Variants in FGGY observed in about 807,000 individuals in gnomAD.
The protein encoded by FGGY is FGGY carbohydrate kinase domain-containing protein.
In FGGY, 72 loss-of-function variants were observed where a neutral mutation model predicts 71.3. The observed-to-expected ratio is 1.01, with a 90% CI of 0.84 to 1.23. The LOEUF (loss-of-function observed/expected upper bound fraction) is 1.23. Among genes scored for constraint, FGGY ranks in the 50% most tolerant of loss-of-function variants. The pLI is 0.00. For synonymous variants in FGGY, 251 were observed against 250.3 expected (o/e 1.00, Z -0.02); for missense variants, 668 against 682.3 (o/e 0.98, Z 0.23).
chr1:59,395,059 A>T (rs2061164990), intron 5 of FGGY, among the ~76,000 whole-genome samples: 1 of 151,306 alleles, frequency 6.6e-6, no homozygotes, highest in Non-Finnish European at 1.5e-5. Flanking sequence ...AGTTACACAG[A>T]CTCTTTTGGG....
rs571410997 is a variant in FGGY at position 59,557,457 on chromosome 1, G to C, written c.903+3230G>C. Among the ~76,000 whole-genome samples the C allele has an allele frequency of 7.2e-5, 11 of 152,296 alleles. 1 individual carries two copies. In the South Asian group the frequency reaches 2.3e-3, roughly 32 times the overall value. On this transcript the variant is annotated intron_variant, in intron 8 of 15. Transcript: ENST00000303721. ...ATAAGTGAGTATTGGTAAATACTTA[G>C]AAGCTTCGTACCTCCAGGTTCCTGT... is the stretch of plus-strand genomic sequence containing the variant.
chr1:59,420,166 T>G (rs958390196), intron 5 of FGGY, among the ~76,000 whole-genome samples: 1 of 151,790 alleles, frequency 6.6e-6, no homozygotes, highest in African/African-American at 2.4e-5. Context: ...TATCCCTGAG[T>G]GGAAATAAAT....
At chr1:59,495,431 C>A (rs1054395313) in intron 6 of FGGY, among the ~76,000 whole-genome samples, 36 of 151,888 alleles carry the variant, frequency 2.4e-4, no homozygotes, top group African/African-American at 8.2e-4. Context: ...AATGGTATTT[C>A]CTAGGTTTTC....
intron 14 of FGGY, among the ~76,000 whole-genome samples, chr1:59,689,303 A>G (rs1201172885): frequency 6.6e-6 from 1 of 152,144 alleles, no homozygotes; most frequent in Non-Finnish European, 1.5e-5. Flanking sequence ...TTTTTAGATA[A>G]AGGTGCTGGT....
At chr1:59,596,807 G>A (rs957051929) in intron 8 of FGGY, among the ~76,000 whole-genome samples, 1 of 152,162 alleles carries the variant, frequency 6.6e-6, no homozygotes, top group Non-Finnish European at 1.5e-5. Context: ...ATGTACCGCC[G>A]TGTGCTGCCC....
rs944618920 is a variant in FGGY at position 59,317,101 on chromosome 1, C to T, written c.-14-4435C>T. 5.9e-5 allele frequency among the ~76,000 whole-genome samples: 9 copies of T among 152,198 alleles called. No homozygotes were observed. The East Asian group carries it at 1.2e-3, about 20-fold the overall frequency. On this transcript the variant is annotated intron_variant, in intron 1 of 15. Coordinates refer to ENST00000303721, the MANE Select transcript of FGGY (RefSeq NM_018291.5). ...CTTTCCTTAGCTGGGAAATGGGGCT[C>T]ATACTGCCTACCTCACAGGGTTGCT...
intron 5 of FGGY, among the ~76,000 whole-genome samples, chr1:59,445,722 A>G (rs1034033196): frequency 1.3e-5 from 2 of 152,122 alleles, no homozygotes; most frequent in African/African-American, 4.8e-5. Context: ...TTTTATTTTC[A>G]TATTTTTCCT....
chr1:59,720,609 C>T (rs762628203), intron 14 of FGGY, among the ~76,000 whole-genome samples: 16 of 152,170 alleles, frequency 1.1e-4, no homozygotes, highest in Non-Finnish European at 2.1e-4. Context: ...AATTTTGTTT[C>T]GGAAAGGAGA....
intron 5 of FGGY, among the ~76,000 whole-genome samples, chr1:59,391,020 C>A (rs2060624168): frequency 6.6e-6 from 1 of 152,158 alleles, no homozygotes; most frequent in Admixed American, 6.5e-5. Flanking sequence ...GCCAAATAAT[C>A]CTTAGTTCAA....
chr1:59,660,606 T>G (rs528448275), intron 12 of FGGY, among the ~76,000 whole-genome samples: 1 of 152,332 alleles, frequency 6.6e-6, no homozygotes, highest in African/African-American at 2.4e-5. Context: ...ATGCTTGCAT[T>G]AAGAAAAGTT....
intron 5 of FGGY, among the ~76,000 whole-genome samples, chr1:59,395,763 A>G (rs1057132980): frequency 2.6e-5 from 4 of 152,162 alleles, no homozygotes; most frequent in African/African-American, 9.7e-5. Context: ...ACAGACTCAA[A>G]AGAGGCTAAG....
intron 9 of FGGY, among the ~76,000 whole-genome samples, chr1:59,618,026 A>G (rs1327670017): frequency 6.6e-6 from 1 of 152,084 alleles, no homozygotes; most frequent in Admixed American, 6.6e-5. Context: ...CAGATTATGG[A>G]GATAATGATT....
At chr1:59,472,444 G>T (rs1367627836) in intron 6 of FGGY, among the ~76,000 whole-genome samples, 2 of 152,180 alleles carry the variant, frequency 1.3e-5, no homozygotes, top group Admixed American at 6.5e-5. Flanking sequence ...TAGTCCCATC[G>T]ACCACCCAAG....
At chr1:59,673,201 G>A (rs1219051941) in intron 13 of FGGY, among the ~76,000 whole-genome samples, 1 of 152,200 alleles carries the variant, frequency 6.6e-6, no homozygotes, top group Non-Finnish European at 1.5e-5. Flanking sequence ...TTGGAAGGTG[G>A]GATGAAGCAG....
chr1:59,685,593 G>A (rs1321396731), intron 14 of FGGY, among the ~76,000 whole-genome samples: 1 of 152,118 alleles, frequency 6.6e-6, no homozygotes, highest in African/African-American at 2.4e-5. Context: ...GTATCAGGTA[G>A]GAGAAAAGTA....
At chr1:59,561,822 C>T (rs1337896160) in intron 8 of FGGY, among the ~76,000 whole-genome samples, 1 of 152,172 alleles carries the variant, frequency 6.6e-6, no homozygotes, top group Non-Finnish European at 1.5e-5. Context: ...TCCCTTTCAG[C>T]TGTATAGCTT....
chr1:59,614,833 C>A (rs943837202), intron 9 of FGGY, among the ~76,000 whole-genome samples: 3 of 152,196 alleles, frequency 2.0e-5, no homozygotes, highest in African/African-American at 7.2e-5. Context: ...GCAAAAATCA[C>A]AAGCATTCTT....
chr1:59,602,088 C>T (rs970962394), intron 8 of FGGY, among the ~76,000 whole-genome samples: 1 of 152,188 alleles, frequency 6.6e-6, no homozygotes, highest in Non-Finnish European at 1.5e-5. Context: ...AACTCAGCTT[C>T]ATGAAATCTT....
At chr1:59,705,521 A>C (rs915230406) in intron 14 of FGGY, among the ~76,000 whole-genome samples, 5 of 152,226 alleles carry the variant, frequency 3.3e-5, no homozygotes, top group African/African-American at 1.2e-4. Context: ...AGACATTCTT[A>C]GTAATTTTAT....
Sources: allele counts gnomAD v4.1 joint callset (sites outside exome capture counted in the v4.1 genomes callset), GRCh38; gene constraint gnomAD v4.1.1; transcripts MANE v1.5; gene names NCBI Gene and HGNC (gene_info 2026-07-23, HGNC 2026-07-21).